Variants in NALF1 observed in about 807,000 individuals in gnomAD.
NALF1 encodes family with sequence similarity 155 member A.
Under a neutral mutation model 48.4 loss-of-function variants are expected in NALF1, and 3 were observed. The ratio of observed to expected loss-of-function variants is 0.06; its 90% confidence interval spans 0.03 to 0.16. The LOEUF (loss-of-function observed/expected upper bound fraction) is 0.16, where lower values mean the gene tolerates loss of function less well. Among genes scored for constraint, NALF1 ranks in the 10% least tolerant of loss-of-function variants. NALF1 has a pLI of 1.00. For missense variants in NALF1, 526 were observed against 571.5 expected, an observed-to-expected ratio of 0.92 and a Z score of 0.81; for synonymous variants, 262 against 245.7, an observed-to-expected ratio of 1.07 and a Z score of -0.62.
At chr13:107,699,991 C>T (rs1054968949) in intron 1 of NALF1, among the ~76,000 whole-genome samples, 6 of 151,828 alleles carry the variant, frequency 4.0e-5, no homozygotes, top group Non-Finnish European at 5.9e-5. Flanking sequence ...TAAAATATTG[C>T]TGAAAACATT....
intron 2 of NALF1, among the ~76,000 whole-genome samples, chr13:107,194,058 AT>A (rs1879342857): frequency 9.9e-6 from 1 of 101,404 alleles, no homozygotes; most frequent in Admixed American, 9.5e-5. Context: ...CTATCTATCT[AT>A]ATATCAATCT....
chr13:107,762,283 TAAC>T (rs746802137), intron 1 of NALF1, among the ~76,000 whole-genome samples: 3 of 151,288 alleles, frequency 2.0e-5, no homozygotes, highest in East Asian at 1.9e-4. Flanking sequence ...TGGTTGGAAA[TAAC>T]AAGGTGTCAT....
intron 2 of NALF1, among the ~76,000 whole-genome samples, chr13:107,205,006 T>C (rs1481555872): frequency 6.6e-6 from 1 of 152,110 alleles, no homozygotes; most frequent in Non-Finnish European, 1.5e-5. Flanking sequence ...CATCTTTTTT[T>C]TTTCTTTTAT....
At chr13:107,657,047 A>C (rs944107492) in intron 1 of NALF1, among the ~76,000 whole-genome samples, 4 of 152,040 alleles carry the variant, frequency 2.6e-5, no homozygotes, top group African/African-American at 9.7e-5. Flanking sequence ...TGAGGGCTAA[A>C]AGACTACACA....
chr13:107,637,180 G>C (rs1378365746), intron 1 of NALF1, among the ~76,000 whole-genome samples: 4 of 151,900 alleles, frequency 2.6e-5, no homozygotes, highest in Non-Finnish European at 4.4e-5. Flanking sequence ...AATCAGCTAA[G>C]GATGTATTTC....
intron 1 of NALF1, among the ~76,000 whole-genome samples, chr13:107,480,953 A>T (rs2139060814): frequency 6.6e-6 from 1 of 152,306 alleles, no homozygotes; most frequent in African/African-American, 2.4e-5. Context: ...ATCTTTAAAA[A>T]TATTCCAAAG....
intron 1 of NALF1, among the ~76,000 whole-genome samples, chr13:107,244,161 C>T (rs4772862): frequency 0.65 from 98,132 of 152,108 alleles, 32,031 homozygotes; most frequent in South Asian, 0.78. Context: ...CCTGTTCATA[C>T]TGACTCTGTG....
At chr13:107,855,548 T>A (rs75335402) in intron 1 of NALF1, among the ~76,000 whole-genome samples, 5,957 of 152,256 alleles carry the variant, frequency 0.039, 284 homozygotes, top group East Asian at 0.23. Context: ...ACCAAAGAAT[T>A]GTACACTTTA....
intron 1 of NALF1, among the ~76,000 whole-genome samples, chr13:107,270,061 C>T (rs913443861): frequency 4.6e-5 from 7 of 151,578 alleles, no homozygotes; most frequent in Non-Finnish European, 7.4e-5. Flanking sequence ...TGAGCCACCG[C>T]GCCTGGCCAG....
chr13:107,833,977 A>G (rs1879816480), intron 1 of NALF1, among the ~76,000 whole-genome samples: 1 of 152,130 alleles, frequency 6.6e-6, no homozygotes, highest in African/African-American at 2.4e-5. Context: ...TTGGCCCTCC[A>G]TATCTACAGG....
At chr13:107,665,476 CTACAAT>C (rs1429603395) in intron 1 of NALF1, among the ~76,000 whole-genome samples, 1 of 152,046 alleles carries the variant, frequency 6.6e-6, no homozygotes. Flanking sequence ...TTAGCTTTTG[CTACAAT>C]GAAGCTTAAA....
chr13:107,296,619 T>A (rs1881731671), intron 1 of NALF1, among the ~76,000 whole-genome samples: 1 of 152,136 alleles, frequency 6.6e-6, no homozygotes, highest in African/African-American at 2.4e-5. Flanking sequence ...GTAAAGTACT[T>A]CCCTTTAAAT....
chr13:107,554,236 G>A (rs1417000907), intron 1 of NALF1, among the ~76,000 whole-genome samples: 1 of 152,188 alleles, frequency 6.6e-6, no homozygotes, highest in Non-Finnish European at 1.5e-5. Flanking sequence ...CTCTTTGCAG[G>A]AAGCTCCATT....
At chr13:107,775,162 G>T (rs1415908959) in intron 1 of NALF1, among the ~76,000 whole-genome samples, 15 of 151,410 alleles carry the variant, frequency 9.9e-5, no homozygotes, top group Non-Finnish European at 1.8e-4. Context: ...CCACTAATTC[G>T]TCATCTAGCA....
chr13:107,224,129 G>A (rs953438986), intron 1 of NALF1, among the ~76,000 whole-genome samples: 7 of 151,854 alleles, frequency 4.6e-5, no homozygotes, highest in African/African-American at 1.7e-4. Flanking sequence ...AATAAAATTG[G>A]TGGTAACATT....
At chr13:107,710,176 A>AAAAG (rs760410682) in intron 1 of NALF1, among the ~76,000 whole-genome samples, 2 of 152,066 alleles carry the variant, frequency 1.3e-5, no homozygotes, top group East Asian at 3.9e-4. Flanking sequence ...AACAAGAAAA[A>AAAAG]AAAGAAAGAA....
intron 1 of NALF1, among the ~76,000 whole-genome samples, chr13:107,621,632 G>C (rs767366607): frequency 1.3e-5 from 2 of 152,074 alleles, no homozygotes; most frequent in Non-Finnish European, 2.9e-5. Context: ...AGGTATTCTC[G>C]TTCCTTAGGG....
intron 1 of NALF1, among the ~76,000 whole-genome samples, chr13:107,421,969 A>G (rs572784898): frequency 6.6e-6 from 1 of 152,276 alleles, no homozygotes; most frequent in East Asian, 1.9e-4. Context: ...TGAAGGTGAC[A>G]GTGAATAAGG....
chr13:107,200,366 CTCGGGGGGCGGTGGGAAACAGG>C (rs1201100378), intron 2 of NALF1, among the ~76,000 whole-genome samples: 4 of 152,128 alleles, frequency 2.6e-5, no homozygotes, highest in Non-Finnish European at 5.9e-5. Context: ...GATGAATGAG[CTCGGGGGGCGGTGGGAAACAGG>C]TCAAATCAAG....
Sources: allele counts gnomAD v4.1 joint callset (sites outside exome capture counted in the v4.1 genomes callset), GRCh38; gene constraint gnomAD v4.1.1; transcripts MANE v1.5; gene names NCBI Gene and HGNC (gene_info 2026-07-23, HGNC 2026-07-21).